Variants in EPM2A observed in about 807,000 individuals in gnomAD.
EPM2A encodes the protein laforin.
In EPM2A, 21 loss-of-function variants were observed where a neutral mutation model predicts 26.5. The observed-to-expected ratio is 0.79, with a 90% confidence interval of 0.56 to 1.14. The LOEUF (loss-of-function observed/expected upper bound fraction) is 1.14, where lower values mean the gene tolerates loss of function less well. Ranked by LOEUF, EPM2A falls within the 50% of genes most tolerant of loss-of-function variation. The pLI, the probability that EPM2A is intolerant of heterozygous loss-of-function variation, is 0.00. For missense variants in EPM2A, 458 were observed against 440.8 expected (o/e 1.04, Z -0.35); for synonymous variants, 217 against 177.6 (o/e 1.22, Z -1.76).
chr6:145,643,758 C>T (rs1193517844), intron 2 of EPM2A, among the ~76,000 whole-genome samples: 1 of 151,846 alleles, frequency 6.6e-6, no homozygotes, highest in Non-Finnish European at 1.5e-5. Flanking sequence ...TCACTGCCAA[C>T]TATTTAATTT....
intron 2 of EPM2A, among the ~76,000 whole-genome samples, chr6:145,662,788 T>C (rs1778824049): frequency 6.6e-6 from 1 of 152,204 alleles, no homozygotes; most frequent in South Asian, 2.1e-4. Flanking sequence ...ATGGGGTTCT[T>C]GCTAAATTGA....
intron 4 of EPM2A, among the ~76,000 whole-genome samples, chr6:145,469,507 C>G (rs915453266): frequency 6.6e-6 from 1 of 151,684 alleles, no homozygotes; most frequent in African/African-American, 2.4e-5. Context: ...GGCTTATATC[C>G]AAAAGACAGG....
chr6:145,612,778 T>A (rs1001454878), intron 2 of EPM2A, among the ~76,000 whole-genome samples: 2 of 148,970 alleles, frequency 1.3e-5, no homozygotes, highest in Admixed American at 1.3e-4. Flanking sequence ...TATATATACC[T>A]TAAGTAAAAA....
At chr6:145,651,554 G>T (rs1777881502) in intron 2 of EPM2A, among the ~76,000 whole-genome samples, 1 of 152,180 alleles carries the variant, frequency 6.6e-6, no homozygotes, top group African/African-American at 2.4e-5. Context: ...TCTGCAACCA[G>T]AATTATTGAG....
At chr6:145,450,480 A>G (rs565972522) in intron 4 of EPM2A, among the ~76,000 whole-genome samples, 138 of 152,240 alleles carry the variant, frequency 9.1e-4, no homozygotes, top group Admixed American at 2.6e-3. Flanking sequence ...AGAACTGTAT[A>G]TGTATTCTCA....
At chr6:145,674,434 G>A (rs1305404006) in intron 2 of EPM2A, among the ~76,000 whole-genome samples, 1 of 152,120 alleles carries the variant, frequency 6.6e-6, no homozygotes, top group Non-Finnish European at 1.5e-5. Context: ...GACAGAGAAT[G>A]ACTTTGACAA....
Position 145,493,896 on chromosome 6 carries a change from T to C in EPM2A, c.555+8626A>G, listed in dbSNP as rs1249873334. On this transcript the variant is annotated intron_variant, in intron 4 of 4. Coordinates refer to the EPM2A transcript ENST00000638717. ...CTGGATTTGGCTTGCCAGTATTTTG[T>C]TGAAAATTTTTGCATCAATGTTCAT... is the stretch of plus-strand genomic sequence containing the variant. Among the ~76,000 whole-genome samples, 3 of 152,252 alleles carry C rather than the reference T, an allele frequency of 2.0e-5. No homozygotes were observed. In the East Asian group the frequency reaches 5.8e-4, roughly 29 times the overall value.
intron 4 of EPM2A, among the ~76,000 whole-genome samples, chr6:145,444,927 G>A (rs530674859): frequency 2.3e-5 from 2 of 87,408 alleles, no homozygotes; most frequent in East Asian, 5.2e-4. Context: ...AGAAAATTTA[G>A]ATTTTTTTTT....
At chr6:145,538,820 A>G (rs1780469320) in intron 2 of EPM2A, among the ~76,000 whole-genome samples, 1 of 152,354 alleles carries the variant, frequency 6.6e-6, no homozygotes, top group South Asian at 2.1e-4. Flanking sequence ...CATTCTTTGG[A>G]GTAATTCACA....
chr6:145,454,523 A>C (rs1779236057), intron 4 of EPM2A, among the ~76,000 whole-genome samples: 1 of 152,218 alleles, frequency 6.6e-6, no homozygotes, highest in Non-Finnish European at 1.5e-5. Context: ...CACTGGACTC[A>C]CAGTAAAAGT....
intron 2 of EPM2A, among the ~76,000 whole-genome samples, chr6:145,649,341 T>G (rs1222918438): frequency 6.6e-6 from 1 of 152,190 alleles, no homozygotes; most frequent in East Asian, 1.9e-4. Flanking sequence ...CTCACAGCAT[T>G]GTGAGAATAA....
At chr6:145,597,477 C>CT (rs869258131) in intron 2 of EPM2A, among the ~76,000 whole-genome samples, 12 of 124,588 alleles carry the variant, frequency 9.6e-5, no homozygotes, top group Admixed American at 1.6e-4. Context: ...ATTTTTTTTT[C>CT]TTTTTTTTGG....
intron 4 of EPM2A, among the ~76,000 whole-genome samples, chr6:145,455,398 CCCA>C (rs1779250923): frequency 6.6e-6 from 1 of 152,104 alleles, no homozygotes; most frequent in Non-Finnish European, 1.5e-5. Context: ...CACTCTGTTG[CCCA>C]GGCTAGAGTA....
intron 2 of EPM2A, among the ~76,000 whole-genome samples, chr6:145,529,308 C>A (rs1780321849): frequency 6.6e-6 from 1 of 152,116 alleles, no homozygotes; most frequent in Admixed American, 6.6e-5. Context: ...ACCAACATCA[C>A]ATGATACAGA....
chr6:145,672,297 C>T (rs1779702937), intron 2 of EPM2A, among the ~76,000 whole-genome samples: 1 of 152,110 alleles, frequency 6.6e-6, no homozygotes, highest in Non-Finnish European at 1.5e-5. Context: ...TGACTCCTTC[C>T]CCAAATCCCT....
At chr6:145,528,197 G>T (rs1780305332) in intron 2 of EPM2A, among the ~76,000 whole-genome samples, 2 of 152,130 alleles carry the variant, frequency 1.3e-5, no homozygotes, top group Non-Finnish European at 2.9e-5. Flanking sequence ...AGGTGAAGCA[G>T]CAACTGCTAA....
chr6:145,400,899 G>T (rs2328657), intron 4 of EPM2A, among the ~76,000 whole-genome samples: 57,556 of 151,880 alleles, frequency 0.38, 11,130 homozygotes, highest in South Asian at 0.47. Context: ...TCTTTAGAAA[G>T]AAAGCCCTCC....
At chr6:145,703,417 C>CT (rs1782044751) in intron 1 of EPM2A, among the ~76,000 whole-genome samples, 1 of 152,046 alleles carries the variant, frequency 6.6e-6, no homozygotes, top group South Asian at 2.1e-4. Flanking sequence ...AAAAAACTTC[C>CT]TTTTTTTCTT....
chr6:145,501,460 T>A (rs536851287), downstream of EPM2A: 1 of 178,478 alleles, frequency 5.6e-6, no homozygotes, highest in East Asian at 1.5e-4. Flanking sequence ...TGTTTCCTAT[T>A]TGTAGTATTT....
Sources: allele counts gnomAD v4.1 joint callset (sites outside exome capture counted in the v4.1 genomes callset), GRCh38; gene constraint gnomAD v4.1.1; transcripts MANE v1.5; gene names NCBI Gene and HGNC (gene_info 2026-07-23, HGNC 2026-07-21).